The following NFIB variants were observed in gnomAD, a reference collection of about 807,000 sequenced individuals.
NFIB encodes nuclear factor 1 B-type.
In NFIB, 11 loss-of-function variants were observed where a neutral mutation model predicts 61.5. The observed-to-expected ratio is 0.18, with a 90% CI of 0.11 to 0.30. The LOEUF (loss-of-function observed/expected upper bound fraction) is 0.30, where lower values mean the gene tolerates loss of function less well. NFIB is among the 10% of genes least tolerant of loss of function. The pLI is 1.00. For missense variants in NFIB, 471 were observed against 608.9 expected, an observed-to-expected ratio of 0.77 and a Z score of 2.38; for synonymous variants, 260 against 216.5, an observed-to-expected ratio of 1.20 and a Z score of -1.76.
chr9:14,150,156 A>T lies in NFIB; in HGVS notation c.795T>A (p.Ser265=). ...CCTTCTTTCAGTACCTGCTTGGTGG[A>T]GAAGACAGAGACCTCTGAAGATTGA... The part of the protein sequence containing the change: ...SGVNLQRSLS[S]PPSSKRPKTI... The change falls in exon 5 of 11, where the codon TCT becomes TCA. Residue 265 remains serine, a synonymous_variant. Coordinates refer to ENST00000380953, the MANE Select transcript of NFIB (RefSeq NM_001190737.2). 2 of 1,613,350 alleles carry T rather than the reference A, an allele frequency of 1.2e-6. No homozygotes were observed. Among genetic ancestry groups the T allele is most frequent in the Non-Finnish European group, 1.7e-6 (2 of 1,179,500 alleles).
chr9:14,142,101 C>G (rs1274088045), intron 6 of NFIB, among the ~76,000 whole-genome samples: 1 of 152,120 alleles, frequency 6.6e-6, no homozygotes, highest in African/African-American at 2.4e-5. Context: ...TTCAAGCATA[C>G]TATTTATTTG....
intron 1 of NFIB, among the ~76,000 whole-genome samples, chr9:14,380,870 A>G (rs2061479903): frequency 6.6e-6 from 1 of 151,968 alleles, no homozygotes; most frequent in South Asian, 2.1e-4. Context: ...AAGGTGGTAG[A>G]AGCTAGGTGC....
upstream of NFIB, among the ~76,000 whole-genome samples, chr9:14,401,750 A>G (rs189878054): frequency 2.0e-5 from 3 of 152,232 alleles, no homozygotes; most frequent in Admixed American, 1.3e-4. Context: ...TGTCATTTTA[A>G]TCTTATCTCT....
At chr9:14,188,217 G>C (rs1251850532) in intron 2 of NFIB, among the ~76,000 whole-genome samples, 1 of 152,116 alleles carries the variant, frequency 6.6e-6, no homozygotes, top group Non-Finnish European at 1.5e-5. Flanking sequence ...ATATGTTTTT[G>C]ATTTGTAATC....
At chr9:14,399,939 T>C (rs1447577756), upstream of NFIB, among the ~76,000 whole-genome samples, 1 of 152,120 alleles carries the variant, frequency 6.6e-6, no homozygotes. Flanking sequence ...CAGATTCTTT[T>C]ATAACATGTT....
chr9:14,450,493 T>C, the NFIB span, among the ~76,000 whole-genome samples: 1 of 152,206 alleles, frequency 6.6e-6, no homozygotes, highest in Non-Finnish European at 1.5e-5. Context: ...CTTAGAATAA[T>C]AGATAATTTC....
At chr9:14,500,103 G>A in the NFIB span, among the ~76,000 whole-genome samples, 1 of 152,094 alleles carries the variant, frequency 6.6e-6, no homozygotes, top group Non-Finnish European at 1.5e-5. Context: ...CAGTCACACT[G>A]GTCTGCTTTA....
chr9:14,487,223 C>A, the NFIB span, among the ~76,000 whole-genome samples: 1 of 152,160 alleles, frequency 6.6e-6, no homozygotes, highest in Non-Finnish European at 1.5e-5. Context: ...CCTTTCTTCC[C>A]TTCATGCAGA....
the NFIB span, among the ~76,000 whole-genome samples, chr9:14,449,679 C>G: frequency 0.016 from 2,384 of 152,106 alleles, 62 homozygotes; most frequent in African/African-American, 0.055. Context: ...CCTGTAATCC[C>G]AGCAATTTGG....
At chr9:14,328,792 T>C (rs1425630183) in intron 1 of NFIB, among the ~76,000 whole-genome samples, 2 of 152,176 alleles carry the variant, frequency 1.3e-5, no homozygotes, top group African/African-American at 2.4e-5. Flanking sequence ...TTGTTAAAAT[T>C]AAAAGAGACT....
At chr9:14,156,546 A>G (rs2043428173) in intron 3 of NFIB, among the ~76,000 whole-genome samples, 2 of 152,146 alleles carry the variant, frequency 1.3e-5, no homozygotes, top group Non-Finnish European at 2.9e-5. Context: ...CAAGAATTAG[A>G]CAACTTTTCT....
chr9:14,105,408 A>C (rs1055320643), intron 10 of NFIB, among the ~76,000 whole-genome samples: 1 of 152,240 alleles, frequency 6.6e-6, no homozygotes, highest in Non-Finnish European at 1.5e-5. Context: ...AAAATATAAG[A>C]AACTAATTTA....
intron 3 of NFIB, 89 bp from the exon 4 acceptor site, chr9:14,155,982 A>G: frequency 2.6e-6 from 2 of 763,684 alleles, no homozygotes; most frequent in South Asian, 4.9e-5. Flanking sequence ...TTTTAAAGCC[A>G]ATGGTTTGAA....
the NFIB span, among the ~76,000 whole-genome samples, chr9:14,518,526 G>A: frequency 6.6e-6 from 1 of 151,310 alleles, no homozygotes; most frequent in Non-Finnish European, 1.5e-5. Context: ...TAGCCTAGTG[G>A]GAAACAAAAA....
At chr9:14,104,543 T>C (rs1431942796) in intron 10 of NFIB, among the ~76,000 whole-genome samples, 1 of 152,144 alleles carries the variant, frequency 6.6e-6, no homozygotes, top group East Asian at 1.9e-4. Flanking sequence ...TTACTGATTC[T>C]ACTCTAGTCA....
intron 2 of NFIB, among the ~76,000 whole-genome samples, chr9:14,291,625 T>C (rs2132543156): frequency 6.6e-6 from 1 of 152,262 alleles, no homozygotes; most frequent in East Asian, 1.9e-4. Context: ...GAGATATGGA[T>C]GTTTGTTTTA....
chr9:14,213,034 A>T (rs192526675), intron 2 of NFIB, among the ~76,000 whole-genome samples: 217 of 152,326 alleles, frequency 1.4e-3, no homozygotes, highest in Non-Finnish European at 2.5e-3. Flanking sequence ...TAAAATCAAA[A>T]ATTATACATC....
At chr9:14,387,193 T>C (rs1369277226) in intron 1 of NFIB, among the ~76,000 whole-genome samples, 3 of 152,240 alleles carry the variant, frequency 2.0e-5, no homozygotes, top group Non-Finnish European at 4.4e-5. Flanking sequence ...TTATTTTTTA[T>C]ACTGGCTTTT....
At chr9:14,169,326 G>T (rs187689365) in intron 3 of NFIB, among the ~76,000 whole-genome samples, 1 of 152,040 alleles carries the variant, frequency 6.6e-6, no homozygotes, top group South Asian at 2.1e-4. Flanking sequence ...AGAGCACTGC[G>T]CAAGGGGAAG....
Sources: gnomAD v4.1 joint callset for allele counts (sites outside exome capture counted in the v4.1 genomes callset) on GRCh38, gnomAD v4.1.1 for gene constraint, MANE v1.5 for transcripts, NCBI Gene and HGNC (gene_info 2026-07-23, HGNC 2026-07-21) for gene names.